Variants in NCKAP5 observed in about 807,000 individuals in gnomAD.
NCKAP5 encodes nck-associated protein 5.
In NCKAP5, 92 loss-of-function variants were observed where a neutral mutation model predicts 167.0. The observed-to-expected ratio is 0.55, with a 90% CI of 0.47 to 0.66. The LOEUF is 0.66. Ranked by LOEUF, NCKAP5 falls within the 30% of genes least tolerant of loss-of-function variation. NCKAP5 has a pLI of 0.00. For missense variants in NCKAP5, 2,378 were observed against 2,315.0 expected, an observed-to-expected ratio of 1.03 and a Z score of -0.56; for synonymous variants, 891 against 877.4, an observed-to-expected ratio of 1.02 and a Z score of -0.27.
At chr2:133,512,827 C>T (rs1000066112) in intron 3 of NCKAP5, among the ~76,000 whole-genome samples, 5 of 152,142 alleles carry the variant, frequency 3.3e-5, no homozygotes, top group African/African-American at 7.2e-5. Context: ...TTCCCTCTGA[C>T]GCTTCAAACT....
chr2:133,542,853 A>C (rs1055026877), intron 2 of NCKAP5, among the ~76,000 whole-genome samples: 1 of 152,210 alleles, frequency 6.6e-6, no homozygotes, highest in Non-Finnish European at 1.5e-5. Context: ...TAAGGTGGTG[A>C]TATAAAATCA....
At chr2:133,111,229 G>A (rs1364929698) in intron 6 of NCKAP5, among the ~76,000 whole-genome samples, 1 of 152,098 alleles carries the variant, frequency 6.6e-6, no homozygotes, top group African/African-American at 2.4e-5. Flanking sequence ...TTAAGTGAAG[G>A]TGAATTTGTG....
chr2:133,364,552 T>G (rs540353476), intron 3 of NCKAP5, among the ~76,000 whole-genome samples: 288 of 152,298 alleles, frequency 1.9e-3, no homozygotes, highest in African/African-American at 6.0e-3. Context: ...AACAGTTCCT[T>G]AGTCCTTCCC....
chr2:132,787,327 G>A (rs983543490), intron 13 of NCKAP5, among the ~76,000 whole-genome samples: 1 of 142,384 alleles, frequency 7.0e-6, no homozygotes, highest in Non-Finnish European at 1.5e-5. Context: ...CCTCCCAGGT[G>A]ACAGAGCGAG....
At chr2:132,689,119 C>A (rs1328763411) in intron 19 of NCKAP5, among the ~76,000 whole-genome samples, 1 of 151,860 alleles carries the variant, frequency 6.6e-6, no homozygotes, top group African/African-American at 2.4e-5. Context: ...CCAGAGCATG[C>A]AGGGAAATAA....
At chr2:133,331,705 T>G (rs1467413675) in intron 3 of NCKAP5, among the ~76,000 whole-genome samples, 1 of 152,188 alleles carries the variant, frequency 6.6e-6, no homozygotes, top group Non-Finnish European at 1.5e-5. Context: ...GGGCTACAGG[T>G]TGATGTCACC....
chr2:133,478,821 C>T (rs907136166), intron 3 of NCKAP5, among the ~76,000 whole-genome samples: 5 of 151,918 alleles, frequency 3.3e-5, no homozygotes, highest in African/African-American at 1.2e-4. Flanking sequence ...AAGAATACCT[C>T]GCACAAGATA....
intron 3 of NCKAP5, among the ~76,000 whole-genome samples, chr2:133,365,648 T>C (rs943465361): frequency 6.6e-6 from 1 of 152,246 alleles, no homozygotes. Context: ...TGCTCAGCTA[T>C]AGTCAATTTA....
chr2:133,162,583 C>G (rs2083838219), intron 5 of NCKAP5, among the ~76,000 whole-genome samples: 1 of 152,164 alleles, frequency 6.6e-6, no homozygotes. Flanking sequence ...CATGAACACC[C>G]TTGAGACCGT....
rs61402737 is a variant in NCKAP5, at chr2:133,484,449, C to A, written c.69+33009G>T. Reference sequence around the variant, plus strand: ...GTCCTGATTCCCAATGCAGGGGAAACGATGCCATTTCCCATCCCTTTCTAA... The same window carrying A: ...GTCCTGATTCCCAATGCAGGGGAAAAGATGCCATTTCCCATCCCTTTCTAA... On this transcript the variant is annotated intron_variant, in intron 3 of 19. Transcript: ENST00000409261. 4.6e-5 allele frequency among the ~76,000 whole-genome samples: 7 copies of A among 152,192 alleles called. No homozygotes were observed. The East Asian group carries it at 7.7e-4, about 17-fold the overall frequency.
In NCKAP5 at chr2:133,400,341, G is replaced by A. The variant is rs149458657; in HGVS notation, c.70-97231C>T. Among the ~76,000 whole-genome samples the A allele has an allele frequency of 2.0e-3, 307 of 152,154 alleles. 2 individuals are homozygous for A. The highest frequency in any genetic ancestry group is 7.1e-3 in the African/African-American group (296 of 41,496). ...ACTTTACCCCTGGAGCCTGAGAATG[G>A]GACCTTATTTGGAAGAAAGGTCATT... On this transcript the variant is annotated intron_variant, in intron 3 of 19. Transcript: ENST00000409261.
chr2:133,515,353 C>T (rs1452836252), intron 3 of NCKAP5, among the ~76,000 whole-genome samples: 2 of 152,174 alleles, frequency 1.3e-5, no homozygotes, highest in South Asian at 2.1e-4. Flanking sequence ...AGCATTTAAG[C>T]ACCCCCCTAC....
intron 6 of NCKAP5, among the ~76,000 whole-genome samples, chr2:133,073,421 C>G (rs2080488838): frequency 6.6e-6 from 1 of 152,118 alleles, no homozygotes. Context: ...AGCTGCATAA[C>G]AAGAGCTTTG....
intron 7 of NCKAP5, among the ~76,000 whole-genome samples, chr2:132,983,122 G>A (rs1468080050): frequency 6.6e-6 from 1 of 152,048 alleles, no homozygotes; most frequent in Non-Finnish European, 1.5e-5. Context: ...TGTTACTGAT[G>A]TATAGAAATG....
chr2:133,100,225 T>C (rs528166119), intron 6 of NCKAP5, among the ~76,000 whole-genome samples: 2 of 152,342 alleles, frequency 1.3e-5, no homozygotes, highest in South Asian at 4.1e-4. Context: ...TAAGCTATGG[T>C]CAACCACTTG....
intron 19 of NCKAP5, among the ~76,000 whole-genome samples, chr2:132,684,988 T>C (rs1464251497): frequency 6.6e-6 from 1 of 152,224 alleles, no homozygotes. Context: ...CCTTGACCCC[T>C]GTGATATCAC....
intron 4 of NCKAP5, among the ~76,000 whole-genome samples, chr2:133,240,805 T>C (rs1401504068): frequency 1.3e-5 from 2 of 152,224 alleles, no homozygotes; most frequent in African/African-American, 2.4e-5. Context: ...GTCCTAATAA[T>C]GTGATTTACA....
chr2:132,952,698 C>T (rs932271859), intron 8 of NCKAP5, among the ~76,000 whole-genome samples: 4 of 152,192 alleles, frequency 2.6e-5, no homozygotes, highest in Admixed American at 2.6e-4. Context: ...TAGTGAGAGA[C>T]AGGCCACAAG....
chr2:133,049,132 T>A (rs1314756958), intron 6 of NCKAP5, among the ~76,000 whole-genome samples: 1 of 152,230 alleles, frequency 6.6e-6, no homozygotes, highest in Non-Finnish European at 1.5e-5. Flanking sequence ...CCAAACTAAC[T>A]ATTATTTTAA....
Sources: gnomAD v4.1 joint callset for allele counts (sites outside exome capture counted in the v4.1 genomes callset) on GRCh38, gnomAD v4.1.1 for gene constraint, MANE v1.5 for transcripts, NCBI Gene and HGNC (gene_info 2026-07-23, HGNC 2026-07-21) for gene names.